Variants in MYO9B observed in about 807,000 individuals in gnomAD.
MYO9B encodes the protein myosin IXB.
Under a neutral mutation model 229.5 loss-of-function variants are expected in MYO9B, and 71 were observed. That is an observed-to-expected ratio of 0.31 (90% CI 0.26 to 0.38). MYO9B has a LOEUF of 0.38. MYO9B is among the 10% of genes least tolerant of loss of function. The pLI, the probability that MYO9B is intolerant of heterozygous loss-of-function variation, is 1.00. For missense variants in MYO9B, 2,255 were observed against 2,920.5 expected (o/e 0.77, Z 5.25); for synonymous variants, 1,185 against 1,235.8 (o/e 0.96, Z 0.86).
At chr19:17,128,632 G>A (rs765940036) in intron 2 of MYO9B, among the ~76,000 whole-genome samples, 7 of 152,222 alleles carry the variant, frequency 4.6e-5, no homozygotes, top group Admixed American at 6.5e-5. Flanking sequence ...TTGAGCCACC[G>A]GCGCTCAGGG....
Position 17,211,890 on chromosome 19 carries a change from A to G in MYO9B, c.6059-5A>G. On this transcript the variant is annotated splice_region_variant and splice_polypyrimidine_tract_variant and intron_variant, in intron 39 of 39. Transcript: ENST00000682292. ...GCAGTAACCCTGCCATCTGTCTCTC[A>G]AAAGGGCCCCCTGCGCCTGCTCTCC... The G allele has an allele frequency of 6.3e-7, 1 of 1,584,282 alleles. No homozygotes were observed. The highest frequency in any genetic ancestry group is 2.2e-5 in the East Asian group (1 of 44,454).
intron 1 of MYO9B, among the ~76,000 whole-genome samples, chr19:17,094,586 G>T (rs1392742551): frequency 6.6e-6 from 1 of 152,194 alleles, no homozygotes; most frequent in Non-Finnish European, 1.5e-5. Flanking sequence ...GAATCATACA[G>T]TATAGGCTCT....
chr19:17,168,694 G>A (rs1280848691), intron 11 of MYO9B, among the ~76,000 whole-genome samples: 1 of 152,252 alleles, frequency 6.6e-6, no homozygotes, highest in Non-Finnish European at 1.5e-5. Flanking sequence ...CTACTCAGGA[G>A]GCTGAGACAG....
intron 1 of MYO9B, among the ~76,000 whole-genome samples, chr19:17,094,320 C>T (rs1342198604): frequency 6.6e-6 from 1 of 152,174 alleles, no homozygotes; most frequent in Non-Finnish European, 1.5e-5. Context: ...CAGGCGTGAG[C>T]CACCACGCTC....
At chr19:17,134,442 A>G (rs1256885963) in intron 2 of MYO9B, among the ~76,000 whole-genome samples, 1 of 115,764 alleles carries the variant, frequency 8.6e-6, no homozygotes, top group African/African-American at 3.5e-5. Flanking sequence ...CCCAGGCCAG[A>G]GTGCAGTGGT....
Position 17,167,297 on chromosome 19 carries a change from TTTAC to T in MYO9B, c.1672-643_1672-640del, listed in dbSNP as rs2072669986. ...ATCCTCCAGCCTCAGTAAAGTATTTTTTACTTTTTATTTTTTGCACAGACAGGAT... is the reference window on the plus strand; with the variant it reads ...ATCCTCCAGCCTCAGTAAAGTATTTTTTTTTATTTTTTGCACAGACAGGAT... On this transcript the variant is annotated intron_variant, in intron 10 of 39. Transcript: ENST00000682292. Among the ~76,000 whole-genome samples the T allele has an allele frequency of 3.3e-5, 5 of 150,626 alleles. No individual in the cohort carries two copies. In the South Asian group the frequency reaches 1.0e-3, roughly 31 times the overall value.
rs766861563 is a variant in MYO9B at position 17,180,962 on chromosome 19, G to T, written c.2255G>T (p.Gly752Val). Residue 752 changes from glycine (G) to valine (V), a missense_variant, in exon 15 of 40, where the codon GGA becomes GTA. By Grantham distance (109) the Gly-to-Val change is moderately radical (BLOSUM62 -3). Transcript: ENST00000682292. ...AACCAAATGATCAAGAGCATCAAAG[G>T]ATTGCCCTGGCAGGGCGAGGACCCC... ...LHNQMIKSIK[G>V]LPWQGEDPRS... is the part of the protein sequence containing the mutation. 1 of 1,611,072 alleles carries T rather than the reference G, an allele frequency of 6.2e-7. No individual in the cohort carries two copies.
chr19:17,162,637 G>C (rs1345922742), intron 9 of MYO9B, among the ~76,000 whole-genome samples, 171 bp downstream of exon 9: 2 of 151,980 alleles, frequency 1.3e-5, no homozygotes, highest in African/African-American at 4.8e-5. Flanking sequence ...AATTCAACAG[G>C]CCCAGGGCAG....
chr19:17,108,619 G>A (rs2057816216), intron 2 of MYO9B, among the ~76,000 whole-genome samples: 1 of 152,184 alleles, frequency 6.6e-6, no homozygotes, highest in Admixed American at 6.5e-5. Flanking sequence ...CTGTCTTTGA[G>A]TTCTTCCCAT....
chr19:17,126,514 G>A (rs1192032669), intron 2 of MYO9B, among the ~76,000 whole-genome samples: 1 of 152,300 alleles, frequency 6.6e-6, no homozygotes, highest in Middle Eastern at 3.4e-3. Flanking sequence ...GTCTCTGTCA[G>A]AATGGCTTGA....
chr19:17,186,739 G>C (rs1387155538), intron 18 of MYO9B, among the ~76,000 whole-genome samples: 1 of 151,956 alleles, frequency 6.6e-6, no homozygotes, highest in African/African-American at 2.4e-5. Flanking sequence ...GTTTTTGTTT[G>C]TTTGTTTTTG....
In MYO9B at chr19:17,137,192, C is replaced by A. The variant is rs866929515; in HGVS notation, c.841-8205C>A. Among the ~76,000 whole-genome samples, 21 of 149,172 alleles carry A rather than the reference C, an allele frequency of 1.4e-4. No homozygotes were observed. In the South Asian group the frequency reaches 1.7e-3, roughly 12 times the overall value. On this transcript the variant is annotated intron_variant, in intron 2 of 39. Transcript: ENST00000682292. ...GCAGTGAGCCAAGATTGTGCCATTGCACTCCAGCCTGGGCAACAAGAGCAA... is the reference window on the plus strand; with the variant it reads ...GCAGTGAGCCAAGATTGTGCCATTGAACTCCAGCCTGGGCAACAAGAGCAA...
Position 17,210,861 on chromosome 19 carries a change from G to A in MYO9B, c.5930+13G>A, listed in dbSNP as rs1384271543. The A allele has an allele frequency of 6.3e-7, 1 of 1,586,104 alleles. No homozygotes were observed. ...TCAAGGAGGAGAAGCAAGTGGCTCA[G>A]TCCCCTCCCTCAGTCCTTCATGTTT... On this transcript the variant is annotated intron_variant, in intron 38 of 39. Coordinates refer to ENST00000682292, the MANE Select transcript of MYO9B (RefSeq NM_004145.4).
chr19:17,154,383 G>A lies in MYO9B; in HGVS notation c.1167G>A (p.Glu389=). Residue 389 remains glutamate, a synonymous_variant, in exon 6 of 40, where the codon GAG becomes GAA. Transcript: ENST00000682292. The part of the protein sequence containing the change: ...HDFERLKQAM[E]MVGFLPATKK... Reference sequence around the variant, plus strand: ...TTGAGAGGCTCAAGCAGGCCATGGAGATGGTGGGCTTCCTCCCCGCCACCA... The same window carrying A: ...TTGAGAGGCTCAAGCAGGCCATGGAAATGGTGGGCTTCCTCCCCGCCACCA... The A allele has an allele frequency of 6.2e-7, 1 of 1,612,988 alleles. No individual in the cohort carries two copies. Among genetic ancestry groups the A allele is most frequent in the Non-Finnish European group, 8.5e-7 (1 of 1,179,186 alleles).
chr19:17,147,729 A>T (rs184322210), intron 3 of MYO9B, among the ~76,000 whole-genome samples: 1 of 106,196 alleles, frequency 9.4e-6, no homozygotes, highest in East Asian at 3.2e-4. Flanking sequence ...CTTATTGCCC[A>T]GGCTGGAGTA....
chr19:17,146,155 GTGGATAGATGGATGGATGGATGGATGGA>G lies in MYO9B; in HGVS notation c.935+670_935+697del, dbSNP rs1488125987. Reference sequence around the variant, plus strand: ...GATGAATAGATTCATGAATGGGTGGGTGGATAGATGGATGGATGGATGGATGGATGGATGGATGGATGGATGGATGGAT... The same window carrying G: ...GATGAATAGATTCATGAATGGGTGGGTGGATGGATGGATGGATGGATGGAT... On this transcript the variant is annotated intron_variant, in intron 3 of 39. Transcript: ENST00000682292. Among the ~76,000 whole-genome samples, 736 of 145,956 alleles carry G rather than the reference GTGGATAGATGGATGGATGGATGGATGGA, an allele frequency of 5.0e-3. 10 individuals are homozygous for G. The highest frequency in any genetic ancestry group is 0.018 in the African/African-American group (691 of 39,180).
intron 2 of MYO9B, among the ~76,000 whole-genome samples, chr19:17,142,972 C>T (rs941549421): frequency 6.6e-6 from 1 of 152,262 alleles, no homozygotes; most frequent in South Asian, 2.1e-4. Context: ...GGCATGATGG[C>T]TCATGCCTGT....
chr19:17,180,872 T>G, intron 14 of MYO9B, 55 bp from the exon 15 acceptor site: 1 of 1,277,646 alleles, frequency 7.8e-7, no homozygotes, highest in Non-Finnish European at 1.1e-6. Context: ...GTGGCAGGCC[T>G]GCTTCTAACT....
chr19:17,166,200 G>A (rs2072657775), intron 10 of MYO9B, among the ~76,000 whole-genome samples: 1 of 152,036 alleles, frequency 6.6e-6, no homozygotes, highest in African/African-American at 2.4e-5. Flanking sequence ...GTGCCACCAG[G>A]CCCGGCTAAT....
Sources: allele counts gnomAD v4.1 joint callset (sites outside exome capture counted in the v4.1 genomes callset), GRCh38; gene constraint gnomAD v4.1.1; transcripts MANE v1.5; gene names NCBI Gene and HGNC (gene_info 2026-07-23, HGNC 2026-07-21).